Variants in PLEKHM2 observed in about 807,000 individuals in gnomAD.
The protein encoded by PLEKHM2 is pleckstrin homology and RUN domain containing M2.
A neutral mutation model predicts 116.3 loss-of-function variants in PLEKHM2; 77 were observed. The observed-to-expected ratio is 0.66, with a 90% CI of 0.55 to 0.80. The LOEUF is 0.80. PLEKHM2 is among the 30% of genes least tolerant of loss of function. The pLI, the probability that PLEKHM2 is intolerant of heterozygous loss-of-function variation, is 0.00. For synonymous variants in PLEKHM2, 562 were observed against 571.0 expected, an observed-to-expected ratio of 0.98 and a Z score of 0.22; for missense variants, 1,183 against 1,354.9, an observed-to-expected ratio of 0.87 and a Z score of 1.99.
intron 4 of PLEKHM2, 30 bp downstream of exon 4, chr1:15,718,022 A>T: frequency 7.3e-7 from 1 of 1,375,554 alleles, no homozygotes. Flanking sequence ...TGTCTCCCCT[A>T]GCCTCAGAGC....
At chr1:15,733,732 A>G in intron 19 of PLEKHM2, 65 bp from the exon 20 acceptor site, 1 of 1,552,024 alleles carries the variant, frequency 6.4e-7, no homozygotes, top group Non-Finnish European at 8.7e-7. Context: ...CCTGGTGCCC[A>G]CAAGCCCTGA....
intron 8 of PLEKHM2, among the ~76,000 whole-genome samples, chr1:15,726,276 C>T (rs1373724104): frequency 6.6e-6 from 1 of 152,180 alleles, no homozygotes; most frequent in African/African-American, 2.4e-5. Context: ...AAAGGAAGGA[C>T]ATGGTGGGTG....
chr1:15,732,306 A>G, intron 17 of PLEKHM2, 44 bp from the exon 18 acceptor site: 1 of 1,483,694 alleles, frequency 6.7e-7, no homozygotes, highest in South Asian at 1.3e-5. Flanking sequence ...GGTGCAGACC[A>G]GCCCTGGAGG....
chr1:15,717,055 C>G (rs534771884), intron 3 of PLEKHM2, among the ~76,000 whole-genome samples: 1 of 152,196 alleles, frequency 6.6e-6, no homozygotes, highest in African/African-American at 2.4e-5. Context: ...GAGTTTAGAC[C>G]AGCCTGGGCA....
chr1:15,713,629 TGTTTG>T (rs1641379491), intron 1 of PLEKHM2, among the ~76,000 whole-genome samples: 1 of 145,198 alleles, frequency 6.9e-6, no homozygotes, highest in Non-Finnish European at 1.5e-5. Context: ...TTTGTTTGTT[TGTTTG>T]TTTTTTGTTT....
At chr1:15,682,234 A>T (rs1640659950), upstream of PLEKHM2, among the ~76,000 whole-genome samples, 1 of 151,790 alleles carries the variant, frequency 6.6e-6, no homozygotes, top group African/African-American at 2.4e-5. Context: ...AGATCACCTG[A>T]GGTCAGGAGT....
chr1:15,726,202 G>A (rs2068061840), intron 8 of PLEKHM2, among the ~76,000 whole-genome samples: 1 of 152,204 alleles, frequency 6.6e-6, no homozygotes, highest in South Asian at 2.1e-4. Context: ...GTTCTTGGAA[G>A]TTAAGATACA....
intron 1 of PLEKHM2, among the ~76,000 whole-genome samples, chr1:15,690,078 TG>T (rs1276307361): frequency 3.3e-5 from 5 of 150,590 alleles, no homozygotes; most frequent in Admixed American, 2.7e-4. Context: ...TTTTTTGTTT[TG>T]TTTTTTTGAG....
chr1:15,682,165 C>T (rs1165025556), upstream of PLEKHM2, among the ~76,000 whole-genome samples: 7 of 151,886 alleles, frequency 4.6e-5, no homozygotes, highest in African/African-American at 1.5e-4. Flanking sequence ...CACTGCACTC[C>T]AGCCTGGGTG....
rs1188272810 is a variant in PLEKHM2, at chr1:15,684,653, C to A, written c.60+35C>A. On this transcript the variant is annotated intron_variant, in intron 1 of 19. Coordinates refer to ENST00000375799, the MANE Select transcript of PLEKHM2 (RefSeq NM_015164.4). ...GCCTCCCTCCCGGCCGGGGCCCCTT[C>A]CTCGCCGCGCCCCCCACGCCCTCCG... 7 of 1,178,472 alleles carry A rather than the reference C, an allele frequency of 5.9e-6. No individual in the cohort carries two copies. In the African/African-American group the frequency reaches 8.0e-5, roughly 13 times the overall value. 73.0% of individuals were successfully genotyped at this position (1,178,472 alleles called of 1,614,324 possible). A position where few individuals can be genotyped will look rare whatever the true frequency, so the allele number is the denominator to read the frequency against.
intron 8 of PLEKHM2, among the ~76,000 whole-genome samples, chr1:15,726,577 T>C (rs1009595095): frequency 6.6e-6 from 1 of 152,052 alleles, no homozygotes; most frequent in Non-Finnish European, 1.5e-5. Flanking sequence ...AAGCGCTGAG[T>C]GCTTTCTGGG....
chr1:15,730,853 AC>A, intron 15 of PLEKHM2, 131 bp downstream of exon 15: 1 of 728,544 alleles, frequency 1.4e-6, no homozygotes. Flanking sequence ...TCCCTTCCCT[AC>A]CAGAGCTTGG....
At chr1:15,732,568 A>G in intron 18 of PLEKHM2, 39 bp downstream of exon 18, 1 of 1,603,944 alleles carries the variant, frequency 6.2e-7, no homozygotes, top group Admixed American at 1.7e-5. Context: ...AGGCCTGCAG[A>G]AGGAAAGCTC....
intron 1 of PLEKHM2, among the ~76,000 whole-genome samples, chr1:15,691,544 C>A (rs543752147): frequency 6.6e-6 from 1 of 152,354 alleles, no homozygotes; most frequent in Non-Finnish European, 1.5e-5. Flanking sequence ...TCGCCTCAGT[C>A]TCCCACCCAC....
intron 2 of PLEKHM2, 110 bp from the exon 3 acceptor site, chr1:15,716,597 C>T (rs2148357537): frequency 9.0e-7 from 1 of 1,109,438 alleles, no homozygotes; most frequent in African/African-American, 1.5e-5. Flanking sequence ...CCTGGGAGAC[C>T]TGCTGGGGAT....
At chr1:15,711,082 C>T (rs896145186) in intron 1 of PLEKHM2, among the ~76,000 whole-genome samples, 2 of 152,092 alleles carry the variant, frequency 1.3e-5, no homozygotes, top group Admixed American at 6.6e-5. Context: ...GGGAACCTGG[C>T]CGGGCATGAC....
intron 1 of PLEKHM2, among the ~76,000 whole-genome samples, chr1:15,689,849 C>G (rs1640852978): frequency 6.6e-6 from 1 of 152,062 alleles, no homozygotes; most frequent in East Asian, 1.9e-4. Context: ...CTCCGCCTCC[C>G]AAGTTCAAGT....
Position 15,733,797 on chromosome 1 carries a change from G to C in PLEKHM2, c.2923G>C (p.Val975Leu). Residue 975 changes from valine (V) to leucine (L), a missense_variant and splice_region_variant, in exon 20 of 20, where the codon GTG (valine) becomes CTG (leucine). By Grantham distance (32) the Val-to-Leu change is conservative. Transcript: ENST00000375799. Reference protein sequence around the residue: ...LNSGWKTIYQVDLPHTAIQEA... With the variant: ...LNSGWKTIYQLDLPHTAIQEA... ...CTGTTCTCTGCACGCCCCAACACAG[G>C]TGGACCTCCCCCACACGGCGATCCA... is the stretch of plus-strand genomic sequence containing the variant. 6.2e-7 allele frequency: 1 copy of C among 1,612,732 alleles called. No individual in the cohort carries two copies. The highest frequency in any genetic ancestry group is 8.5e-7 in the Non-Finnish European group (1 of 1,179,674).
In PLEKHM2 at chr1:15,713,112, T is replaced by TTTTG. The variant is rs1266771231; in HGVS notation, c.61-3109_61-3106dup. On this transcript the variant is annotated intron_variant, in intron 1 of 19. Coordinates refer to ENST00000375799, the MANE Select transcript of PLEKHM2 (RefSeq NM_015164.4). ...CACCACGCCTGGCTAATTTTTAATT[T>TTTTG]TTTGTTTGTTTGTTTGTTTTTGTAG... 5.1e-3 allele frequency among the ~76,000 whole-genome samples: 768 copies of TTTTG among 151,998 alleles called. 3 individuals carry two copies. The highest frequency in any genetic ancestry group is 0.018 in the African/African-American group (730 of 41,486).
Sources: gnomAD v4.1 joint callset for allele counts (sites outside exome capture counted in the v4.1 genomes callset) on GRCh38, gnomAD v4.1.1 for gene constraint, MANE v1.5 for transcripts, NCBI Gene and HGNC (gene_info 2026-07-23, HGNC 2026-07-21) for gene names.